The following AFG2A variants were observed in gnomAD, a reference collection of about 807,000 sequenced individuals.
AFG2A encodes AAA ATPase AFG2A.
At chr4:123,233,441 T>C in the AFG2A span, among the ~76,000 whole-genome samples, 1 of 151,736 alleles carries the variant, frequency 6.6e-6, no homozygotes, top group Non-Finnish European at 1.5e-5. Context: ...TCCCCAGCCT[T>C]TAAAAGAAAA....
the AFG2A span, among the ~76,000 whole-genome samples, chr4:123,138,366 C>G: frequency 3.1e-3 from 457 of 147,270 alleles, 1 homozygote; most frequent in African/African-American, 0.011. Flanking sequence ...ATGTTTATGA[C>G]AAACCTCTAA....
At chr4:123,097,791 T>A in the AFG2A span, among the ~76,000 whole-genome samples, 1 of 152,132 alleles carries the variant, frequency 6.6e-6, no homozygotes, top group Non-Finnish European at 1.5e-5. Context: ...CATTTCGATG[T>A]TCATAAGATA....
At chr4:123,122,473 C>T in the AFG2A span, among the ~76,000 whole-genome samples, 2 of 152,138 alleles carry the variant, frequency 1.3e-5, no homozygotes, top group African/African-American at 2.4e-5. Context: ...TAATTGAATA[C>T]TGTACTGAAA....
At chr4:123,244,178 G>C in the AFG2A span, among the ~76,000 whole-genome samples, 1 of 152,078 alleles carries the variant, frequency 6.6e-6, no homozygotes, top group African/African-American at 2.4e-5. Context: ...GCCAAAGCAG[G>C]ACTGACGGAA....
At chr4:123,189,010 G>A in the AFG2A span, among the ~76,000 whole-genome samples, 1 of 152,134 alleles carries the variant, frequency 6.6e-6, no homozygotes, top group African/African-American at 2.4e-5. Context: ...ATAGTATTTG[G>A]ACATTAGAGG....
the AFG2A span, among the ~76,000 whole-genome samples, chr4:123,249,252 G>T: frequency 0.51 from 77,563 of 151,644 alleles, 24,384 homozygotes; most frequent in Non-Finnish European, 0.67. Flanking sequence ...TCTGAGCAGA[G>T]GGAGAAATAT....
the AFG2A span, chr4:123,028,233 G>A: frequency 2.5e-6 from 4 of 1,614,064 alleles, no homozygotes; most frequent in Non-Finnish European, 2.5e-6. Context: ...AACTGAAGTT[G>A]GAACAGGCTG....
the AFG2A span, among the ~76,000 whole-genome samples, chr4:123,037,417 CAATT>C: frequency 1.3e-5 from 2 of 152,016 alleles, no homozygotes; most frequent in South Asian, 2.1e-4. Context: ...AAAAATAACT[CAATT>C]AATGGTACTT....
chr4:123,055,369 C>G, the AFG2A span, among the ~76,000 whole-genome samples: 1 of 152,142 alleles, frequency 6.6e-6, no homozygotes, highest in African/African-American at 2.4e-5. Flanking sequence ...TTTCTTGACT[C>G]TAAGGAGTTT....
At chr4:123,050,715 C>T in the AFG2A span, among the ~76,000 whole-genome samples, 1 of 148,922 alleles carries the variant, frequency 6.7e-6, no homozygotes, top group African/African-American at 2.5e-5. Context: ...AAGAGAGTTT[C>T]TTCTAGGCAG....
the AFG2A span, among the ~76,000 whole-genome samples, chr4:122,929,779 C>T: frequency 6.6e-6 from 1 of 151,998 alleles, no homozygotes; most frequent in Non-Finnish European, 1.5e-5. Flanking sequence ...GTATGTTACA[C>T]TTGTAGCACA....
the AFG2A span, among the ~76,000 whole-genome samples, chr4:122,950,555 G>A: frequency 6.6e-6 from 1 of 152,128 alleles, no homozygotes; most frequent in African/African-American, 2.4e-5. Flanking sequence ...GGGCAGGCTG[G>A]TCTCAAACTC....
the AFG2A span, among the ~76,000 whole-genome samples, chr4:122,991,153 T>C: frequency 5.0e-3 from 769 of 152,352 alleles, 7 homozygotes; most frequent in African/African-American, 0.017. Context: ...CATCACTGTG[T>C]GTTTGCCCTT....
chr4:123,127,141 C>T, the AFG2A span, among the ~76,000 whole-genome samples: 1 of 152,232 alleles, frequency 6.6e-6, no homozygotes, highest in African/African-American at 2.4e-5. Context: ...AGGTTGAGGC[C>T]TATGGTGATC....
chr4:123,126,322 T>C, the AFG2A span, among the ~76,000 whole-genome samples: 2 of 152,338 alleles, frequency 1.3e-5, no homozygotes, highest in South Asian at 2.1e-4. Context: ...TGAGGTTTTG[T>C]TTAGTTTTTA....
the AFG2A span, among the ~76,000 whole-genome samples, chr4:123,257,031 C>T: frequency 6.6e-6 from 1 of 152,226 alleles, no homozygotes; most frequent in Middle Eastern, 3.4e-3. Context: ...CTGAATTACT[C>T]AGTAGGCTAG....
the AFG2A span, among the ~76,000 whole-genome samples, chr4:122,930,958 C>T: frequency 4.6e-5 from 1 of 21,954 alleles, no homozygotes; most frequent in South Asian, 3.1e-3. Context: ...TTAAATGTGG[C>T]AGCAGAGTAT....
the AFG2A span, among the ~76,000 whole-genome samples, chr4:123,134,595 A>ATTTTTTTT: frequency 7.5e-6 from 1 of 132,694 alleles, no homozygotes; most frequent in Non-Finnish European, 1.6e-5. Context: ...GAATTTTAGG[A>ATTTTTTTT]TTTTTTTTTT....
At chr4:123,082,017 G>A in the AFG2A span, among the ~76,000 whole-genome samples, 13 of 152,078 alleles carry the variant, frequency 8.5e-5, no homozygotes, top group African/African-American at 3.1e-4. Flanking sequence ...TTCTTTGTAT[G>A]TTTTGGATAA....
Sources: allele counts gnomAD v4.1 joint callset (sites outside exome capture counted in the v4.1 genomes callset), GRCh38; gene constraint gnomAD v4.1.1; transcripts MANE v1.5; gene names NCBI Gene and HGNC (gene_info 2026-07-23, HGNC 2026-07-21).